Variants in ZNF140 observed in about 807,000 individuals in gnomAD.
ZNF140 encodes zinc finger protein 140 (clone pHZ-39).
ZNF140 carries 13 observed loss-of-function variants against 12.9 expected under a neutral mutation model. That is an observed-to-expected ratio of 1.01 (90% confidence interval 0.66 to 1.60). The LOEUF is 1.60. Ranked by LOEUF, ZNF140 falls within the 40% of genes most tolerant of loss-of-function variation. The pLI is 0.00. For synonymous variants in ZNF140, 214 were observed against 186.7 expected (o/e 1.15, Z -1.19); for missense variants, 531 against 548.8 (o/e 0.97, Z 0.32).
At chr12:133,086,823 TTAG>T (rs1333121965) in intron 4 of ZNF140, among the ~76,000 whole-genome samples, 9 of 152,224 alleles carry the variant, frequency 5.9e-5, no homozygotes, top group African/African-American at 1.9e-4. Context: ...GTCATGTGAG[TTAG>T]TAGTCAACTT....
At chr12:133,094,203 T>C (rs1490887198) in intron 4 of ZNF140, among the ~76,000 whole-genome samples, 1 of 147,592 alleles carries the variant, frequency 6.8e-6, no homozygotes, top group Non-Finnish European at 1.5e-5. Context: ...GTCTGAAAAC[T>C]TGTCTCTCAT....
intron 4 of ZNF140, among the ~76,000 whole-genome samples, chr12:133,085,478 C>T (rs1954644374): frequency 6.6e-6 from 1 of 152,116 alleles, no homozygotes; most frequent in South Asian, 2.1e-4. Context: ...GGCAAACAGT[C>T]ACGTGACCAA....
intron 4 of ZNF140, chr12:133,093,332 G>A: frequency 1.5e-6 from 1 of 660,050 alleles, no homozygotes; most frequent in Middle Eastern, 3.0e-4. Flanking sequence ...TGCAGACATA[G>A]GGAGACTTAC....
rs1954474525 is a variant in ZNF140, at chr12:133,081,348, A to AT, written c.9+19_9+20insT. On this transcript the variant is annotated intron_variant, in intron 2 of 4. Coordinates refer to ENST00000355557, the MANE Select transcript of ZNF140 (RefSeq NM_003440.4). ...GTCTCAGGTAAGCTAATGATTGATA[A>AT]ATATATATATATATATATATATAAA... The AT allele has an allele frequency of 7.2e-5, 23 of 318,826 alleles. No individual in the cohort carries two copies. The highest frequency in any genetic ancestry group is 2.8e-4 in the African/African-American group (9 of 32,524). 19.7% of individuals were successfully genotyped at this position (318,826 alleles called of 1,614,324 possible). A position where few individuals can be genotyped will look rare whatever the true frequency, so the allele number is the denominator to read the frequency against.
chr12:133,091,138 G>A (rs1271189002), intron 4 of ZNF140, among the ~76,000 whole-genome samples: 1 of 149,962 alleles, frequency 6.7e-6, no homozygotes, highest in Non-Finnish European at 1.5e-5. Flanking sequence ...GGGACGGTCA[G>A]GTCTTTCTCA....
chr12:133,102,863 A>T (rs1460856793), intron 4 of ZNF140, among the ~76,000 whole-genome samples: 1 of 152,100 alleles, frequency 6.6e-6, no homozygotes, highest in Non-Finnish European at 1.5e-5. Context: ...ATAGTAGGAG[A>T]TGGGAAGAGG....
rs1467481520 is a variant in ZNF140, at chr12:133,106,421, G to C, written c.1144G>C (p.Glu382Gln). The C allele has an allele frequency of 5.6e-6, 9 of 1,613,960 alleles. No homozygotes were observed. The highest frequency in any genetic ancestry group is 7.6e-6 in the Non-Finnish European group (9 of 1,180,022). The change falls in exon 5 of 5, where the codon GAG becomes CAG. Residue 382 changes from glutamate (E) to glutamine (Q), a missense_variant. Glu to Gln is a conservative substitution (Grantham distance 29, BLOSUM62 2). Coordinates refer to ENST00000355557, the MANE Select transcript of ZNF140 (RefSeq NM_003440.4). ...LIQHTKSHTG[E>Q]KPYACAECDK... ...TCAACATACGAAGAGTCACACTGGA[G>C]AGAAACCCTATGCGTGTGCTGAATG...
At chr12:133,081,677 C>G in intron 2 of ZNF140, 1 of 419,636 alleles carries the variant, frequency 2.4e-6, no homozygotes, top group South Asian at 1.6e-5. Context: ...GGCGGGGTTT[C>G]TGACCTGGCT....
chr12:133,090,968 C>CG (rs1954851577), intron 4 of ZNF140, among the ~76,000 whole-genome samples: 5 of 147,910 alleles, frequency 3.4e-5, no homozygotes, highest in Non-Finnish European at 4.5e-5. Flanking sequence ...GGTTTTGCTA[C>CG]TATCTCAGAA....
At chr12:133,095,694 G>A (rs916106703) in intron 4 of ZNF140, among the ~76,000 whole-genome samples, 2 of 151,772 alleles carry the variant, frequency 1.3e-5, no homozygotes, top group Non-Finnish European at 2.9e-5. Flanking sequence ...TAGTAGGAGA[G>A]CAGGGTGATA....
intron 4 of ZNF140, chr12:133,101,069 T>G (rs891037154): frequency 5.7e-5 from 23 of 405,082 alleles, no homozygotes; most frequent in African/African-American, 4.8e-4. Flanking sequence ...GTTTTTTTCC[T>G]TTGACTTCTT....
At chr12:133,104,632 T>C (rs914946904) in intron 4 of ZNF140, among the ~76,000 whole-genome samples, 1 of 152,196 alleles carries the variant, frequency 6.6e-6, no homozygotes, top group Admixed American at 6.5e-5. Flanking sequence ...ATTACAGGCG[T>C]GAGCCACTGC....
intron 4 of ZNF140, among the ~76,000 whole-genome samples, chr12:133,088,069 G>A (rs1954733846): frequency 6.6e-6 from 1 of 151,942 alleles, no homozygotes; most frequent in South Asian, 2.1e-4. Flanking sequence ...GGCAGAGGGT[G>A]CAGTAAGTTG....
At chr12:133,093,979 GTCTCTTTTTCTT>G (rs1444788223) in intron 4 of ZNF140, among the ~76,000 whole-genome samples, 1 of 150,890 alleles carries the variant, frequency 6.6e-6, no homozygotes, top group African/African-American at 2.5e-5. Flanking sequence ...TTCACACTTA[GTCTCTTTTTCTT>G]TCTCTTTTTC....
At chr12:133,096,094 C>T (rs1383069513) in intron 4 of ZNF140, among the ~76,000 whole-genome samples, 2 of 151,446 alleles carry the variant, frequency 1.3e-5, no homozygotes, top group African/African-American at 2.4e-5. Flanking sequence ...TCCCACGAGG[C>T]CATATTTCAG....
rs906895789 is a variant in ZNF140 at position 133,095,887 on chromosome 12, T to C, written c.233-9623T>C. ...TGCAAACATATCTCGCCTCCCACCA[T>C]AGGGCGGTTTTGCTACTATCTCAGA... On this transcript the variant is annotated intron_variant, in intron 4 of 4. Transcript: ENST00000355557. Among the ~76,000 whole-genome samples the C allele has an allele frequency of 7.9e-3, 1,195 of 151,996 alleles. 10 individuals are homozygous for C. Among genetic ancestry groups the C allele is most frequent in the African/African-American group, 0.028 (1,150 of 41,378 alleles).
intron 2 of ZNF140, chr12:133,082,138 G>A (rs1296021020): frequency 1.3e-5 from 2 of 152,228 alleles, no homozygotes; most frequent in African/African-American, 4.8e-5. Flanking sequence ...CAGCAGTGGG[G>A]ATAACAGGGT....
intron 4 of ZNF140, among the ~76,000 whole-genome samples, chr12:133,086,305 T>C (rs1954674746): frequency 1.3e-5 from 2 of 152,214 alleles, no homozygotes; most frequent in South Asian, 2.1e-4. Context: ...GACTGACTTA[T>C]ACTCCCGCAA....
intron 4 of ZNF140, among the ~76,000 whole-genome samples, chr12:133,100,763 G>T (rs2088683): frequency 0.077 from 11,667 of 152,178 alleles, 623 homozygotes; most frequent in Non-Finnish European, 0.12. Context: ...TAAAATAAGG[G>T]TCAGTTGAAC....
Sources: allele counts gnomAD v4.1 joint callset (sites outside exome capture counted in the v4.1 genomes callset), GRCh38; gene constraint gnomAD v4.1.1; transcripts MANE v1.5; gene names NCBI Gene and HGNC (gene_info 2026-07-23, HGNC 2026-07-21).